The following STXBP6 variants were observed in gnomAD, a reference collection of about 807,000 sequenced individuals.
STXBP6 encodes syntaxin binding protein 6.
STXBP6 carries 21 observed loss-of-function variants against 26.9 expected under a neutral mutation model. The observed-to-expected ratio is 0.78, with a 90% CI of 0.55 to 1.12. The LOEUF is 1.12. Among genes scored for constraint, STXBP6 ranks in the 50% most tolerant of loss-of-function variants. The pLI is 0.00. For missense variants in STXBP6, 232 were observed against 257.9 expected (o/e 0.90, Z 0.69); for synonymous variants, 97 against 92.6 (o/e 1.05, Z -0.27).
intron 1 of STXBP6, among the ~76,000 whole-genome samples, chr14:25,030,747 C>T (rs1184859883): frequency 3.3e-5 from 5 of 152,088 alleles, no homozygotes; most frequent in Non-Finnish European, 7.4e-5. Flanking sequence ...AATCCTCATG[C>T]TTTCTGAAAT....
At chr14:24,862,179 T>C (rs537123623) in intron 2 of STXBP6, among the ~76,000 whole-genome samples, 22 of 152,134 alleles carry the variant, frequency 1.4e-4, no homozygotes, top group Admixed American at 4.6e-4. Flanking sequence ...TTTTATTTTT[T>C]TTGTAGAGAT....
At chr14:24,895,361 C>T (rs1194750348) in intron 2 of STXBP6, among the ~76,000 whole-genome samples, 1 of 152,150 alleles carries the variant, frequency 6.6e-6, no homozygotes, top group East Asian at 1.9e-4. Flanking sequence ...ATGCAATGTG[C>T]TTACATTCTA....
intron 1 of STXBP6, among the ~76,000 whole-genome samples, chr14:25,004,436 A>C (rs2074841824): frequency 6.6e-6 from 1 of 152,216 alleles, no homozygotes; most frequent in Non-Finnish European, 1.5e-5. Context: ...CACATGGGGG[A>C]GGGAAGGGCA....
intron 2 of STXBP6, among the ~76,000 whole-genome samples, chr14:24,874,513 C>T (rs1027993590): frequency 6.6e-6 from 1 of 152,066 alleles, no homozygotes; most frequent in African/African-American, 2.4e-5. Context: ...CCTTGAAAGG[C>T]TCTGGAGAAA....
chr14:25,000,292 T>G (rs978833612), intron 1 of STXBP6, among the ~76,000 whole-genome samples: 2 of 151,830 alleles, frequency 1.3e-5, no homozygotes, highest in African/African-American at 4.8e-5. Flanking sequence ...CTCGATCTCC[T>G]GACCTCGTGA....
intron 2 of STXBP6, among the ~76,000 whole-genome samples, chr14:24,919,249 A>C (rs921494906): frequency 6.6e-6 from 1 of 151,970 alleles, no homozygotes; most frequent in African/African-American, 2.4e-5. Context: ...CCTTATCACC[A>C]AGTCTCATTC....
At chr14:24,867,715 T>G (rs902280915) in intron 2 of STXBP6, among the ~76,000 whole-genome samples, 11 of 152,268 alleles carry the variant, frequency 7.2e-5, no homozygotes, top group Non-Finnish European at 1.5e-4. Context: ...ATTACAACAC[T>G]TTTAGAAGAA....
At chr14:24,885,488 C>T (rs1038229985) in intron 2 of STXBP6, among the ~76,000 whole-genome samples, 14 of 152,320 alleles carry the variant, frequency 9.2e-5, no homozygotes, top group Admixed American at 7.2e-4. Context: ...GGCCTTAAAG[C>T]CCATTACACT....
At chr14:24,936,133 T>C (rs1040688399) in intron 2 of STXBP6, among the ~76,000 whole-genome samples, 1 of 152,220 alleles carries the variant, frequency 6.6e-6, no homozygotes, top group African/African-American at 2.4e-5. Context: ...AGCCCTGTGT[T>C]AGATCAGAGT....
chr14:24,931,139 A>C (rs1211114072), intron 2 of STXBP6, among the ~76,000 whole-genome samples: 1 of 143,912 alleles, frequency 6.9e-6, no homozygotes, highest in Non-Finnish European at 1.5e-5. Context: ...AAAAAAAAAA[A>C]AAACCCAAAC....
intron 1 of STXBP6, among the ~76,000 whole-genome samples, chr14:25,038,383 G>GCAAACCC (rs1431397114): frequency 5.3e-5 from 8 of 152,112 alleles, no homozygotes; most frequent in Admixed American, 2.0e-4. Flanking sequence ...CATCAGAAAA[G>GCAAACCC]CAAACCCATG....
intron 2 of STXBP6, among the ~76,000 whole-genome samples, chr14:24,881,732 A>G (rs2070363626): frequency 6.6e-6 from 1 of 152,190 alleles, no homozygotes; most frequent in Non-Finnish European, 1.5e-5. Flanking sequence ...CTTGCTTGTG[A>G]AAAATAATGA....
At chr14:25,001,530 T>C (rs999310361) in intron 1 of STXBP6, among the ~76,000 whole-genome samples, 1 of 152,224 alleles carries the variant, frequency 6.6e-6, no homozygotes, top group Non-Finnish European at 1.5e-5. Flanking sequence ...TCCACCATTC[T>C]TCATTTCGGT....
chr14:24,991,249 A>AC (rs2074468505), intron 1 of STXBP6, among the ~76,000 whole-genome samples: 1 of 152,188 alleles, frequency 6.6e-6, no homozygotes, highest in Non-Finnish European at 1.5e-5. Flanking sequence ...CACTTCCAGT[A>AC]CATATGCAGG....
chr14:24,983,815 GA>G (rs886877736), intron 1 of STXBP6, among the ~76,000 whole-genome samples: 1 of 152,090 alleles, frequency 6.6e-6, no homozygotes, highest in Admixed American at 6.5e-5. Flanking sequence ...ATATAACAGT[GA>G]AAAAATAATG....
At chr14:24,909,714 C>T (rs1021995419) in intron 2 of STXBP6, among the ~76,000 whole-genome samples, 1 of 151,162 alleles carries the variant, frequency 6.6e-6, no homozygotes, top group Admixed American at 6.6e-5. Flanking sequence ...TTGTACTTAC[C>T]AGATATGAGA....
chr14:24,963,731 C>A (rs2140136903), intron 2 of STXBP6, among the ~76,000 whole-genome samples: 1 of 152,270 alleles, frequency 6.6e-6, no homozygotes, highest in South Asian at 2.1e-4. Flanking sequence ...GAGAAACACT[C>A]AGGTGCTTCA....
At chr14:25,023,889 C>G (rs762039034) in intron 1 of STXBP6, among the ~76,000 whole-genome samples, 1 of 152,128 alleles carries the variant, frequency 6.6e-6, no homozygotes, top group Admixed American at 6.5e-5. Flanking sequence ...TCCTGACAAC[C>G]TGGGAGGTCG....
chr14:24,911,307 A>G (rs2071564036), intron 2 of STXBP6, among the ~76,000 whole-genome samples: 2 of 151,974 alleles, frequency 1.3e-5, no homozygotes, highest in Admixed American at 1.3e-4. Context: ...ACTGCACTCC[A>G]GCCTGGACAA....
Sources: gnomAD v4.1 joint callset for allele counts (sites outside exome capture counted in the v4.1 genomes callset) on GRCh38, gnomAD v4.1.1 for gene constraint, MANE v1.5 for transcripts, NCBI Gene and HGNC (gene_info 2026-07-23, HGNC 2026-07-21) for gene names.